Variants in SLC6A14 observed in about 807,000 individuals in gnomAD.
The protein encoded by SLC6A14 is sodium- and chloride-dependent neutral and basic amino acid transporter B(0+).
Under a neutral mutation model 51.4 loss-of-function variants are expected in SLC6A14, and 21 were observed. The ratio of observed to expected loss-of-function variants is 0.41; its 90% CI spans 0.29 to 0.59. SLC6A14 has a LOEUF of 0.59. Ranked by LOEUF, SLC6A14 falls within the 20% of genes least tolerant of loss-of-function variation. The pLI, the probability that SLC6A14 is intolerant of heterozygous loss-of-function variation, is 0.31. For missense variants in SLC6A14, 371 were observed against 472.8 expected (o/e 0.78, Z 2.00); for synonymous variants, 177 against 160.7 (o/e 1.10, Z -0.77).
chrX:116,454,861 A>C (rs1556694650), intron 10 of SLC6A14, 116 bp from the exon 11 acceptor site: 23 of 525,961 alleles, frequency 4.4e-5, no homozygotes. Context: ...GCATTTTAGC[A>C]GAAGGGAAAC....
chrX:116,446,075 C>T (rs4824323), intron 6 of SLC6A14, among the ~76,000 whole-genome samples: 6,308 of 84,963 alleles, frequency 0.074, 576 homozygotes, highest in Non-Finnish European at 0.12. Flanking sequence ...CTTGTTTAAA[C>T]CATTTCCTTG....
intron 7 of SLC6A14, among the ~76,000 whole-genome samples, chrX:116,448,331 T>C (rs1331952167): frequency 2.0e-4 from 23 of 112,242 alleles, no homozygotes; most frequent in African/African-American, 7.1e-4. Flanking sequence ...AATTTTCTTA[T>C]TATAGTCTTG....
chrX:116,443,688 T>A lies in SLC6A14; in HGVS notation c.554T>A (p.Ile185Asn). The change falls in exon 5 of 14, where the codon ATC becomes AAC. Residue 185 changes from isoleucine (I) to asparagine (N), a missense_variant. Transcript: ENST00000598581. ...ACAGTGAATAAAGGAATACAAGAGA[T>A]CATCCAAATGAATAAAAGCTGGGTA... ...VSTVNKGIQE[I>N]IQMNKSWVDI... 1 of 1,198,873 alleles carries A rather than the reference T, an allele frequency of 8.3e-7. No homozygotes were observed. Among genetic ancestry groups the A allele is most frequent in the East Asian group, 3.0e-5 (1 of 33,588 alleles).
rs73638816 is a variant in SLC6A14 at position 116,445,006 on chromosome X, A to G, written c.745A>G (p.Ile249Val). The G allele has an allele frequency of 8.3e-4, 998 of 1,207,196 alleles. 5 individuals are homozygous for G. In the African/African-American group the frequency reaches 0.015, roughly 18 times the overall value. Residue 249 changes from isoleucine to valine, a missense_variant, in exon 6 of 14, where the codon ATA becomes GTA. Around this residue, in one of 2 missense-constraint regions of SLC6A14, gnomAD observed 277 missense variants for 391.8 expected, o/e 0.71. Transcript: ENST00000598581. Reference sequence around the variant, plus strand: ...ACTTTGTCTTCTTCTGGCTTGGCTCATAGTTGGAGCAGCACTATTTAAAGG... The same window carrying G: ...ACTTTGTCTTCTTCTGGCTTGGCTCGTAGTTGGAGCAGCACTATTTAAAGG... ...LALCLLLAWLIVGAALFKGIK... is the reference protein window; with the variant it reads ...LALCLLLAWLVVGAALFKGIK...
chrX:116,445,011 T>A lies in SLC6A14; in HGVS notation c.750T>A (p.Val250=). 1 of 1,208,877 alleles carries A rather than the reference T, an allele frequency of 8.3e-7. No individual in the cohort carries two copies. The highest frequency in any genetic ancestry group is 2.2e-5 in the Admixed American group (1 of 45,606). ...GTCTTCTTCTGGCTTGGCTCATAGT[T>A]GGAGCAGCACTATTTAAAGGAATCA... ...ALCLLLAWLI[V]GAALFKGIKS... is the part of the protein sequence containing the mutation. Residue 250 remains valine, a synonymous_variant, in exon 6 of 14, where the codon GTT becomes GTA. Coordinates refer to ENST00000598581, the MANE Select transcript of SLC6A14 (RefSeq NM_007231.5).
At chrX:116,438,005 T>A (rs782681843) in intron 2 of SLC6A14, 50 bp downstream of exon 2, 2 of 962,253 alleles carry the variant, frequency 2.1e-6, no homozygotes, top group South Asian at 4.3e-5. Context: ...CCTCCAGTTT[T>A]AAGTGTGGTT....
chrX:116,449,985 C>T (rs1403003135), intron 7 of SLC6A14, among the ~76,000 whole-genome samples: 1 of 111,927 alleles, frequency 8.9e-6, no homozygotes, highest in Non-Finnish European at 1.9e-5. Flanking sequence ...TTGATATGCA[C>T]AATATCCATT....
At position 116,457,695 on chromosome X, in the gene SLC6A14, G is replaced by T. The variant is rs1280333619; in HGVS notation, c.1701G>T (p.Trp567Cys). Residue 567 changes from tryptophan to cysteine, a missense_variant, in exon 13 of 14, where the codon TGG becomes TGT. Trp to Cys is a radical substitution (Grantham distance 215). Transcript: ENST00000598581. ...CTGACTGGGGAGTTGCTTTAGGCTG[G>T]TGTATGATTGTTTTCTGCATTATTT... ...PYPDWGVALGWCMIVFCIIWI... is the reference protein window; with the variant it reads ...PYPDWGVALGCCMIVFCIIWI... 1.5e-5 allele frequency: 18 copies of T among 1,198,092 alleles called. No individual in the cohort carries two copies. Among genetic ancestry groups the T allele is most frequent in the Non-Finnish European group, 1.8e-5 (16 of 884,687 alleles).
At chrX:116,454,020 C>A (rs187881468) in intron 9 of SLC6A14, among the ~76,000 whole-genome samples, 1 of 111,224 alleles carries the variant, frequency 9.0e-6, no homozygotes, top group South Asian at 3.7e-4. Context: ...ATTTAAAAGT[C>A]CTACTAGAAT....
At chrX:116,453,585 T>C (rs1927866113) in intron 9 of SLC6A14, among the ~76,000 whole-genome samples, 1 of 111,575 alleles carries the variant, frequency 9.0e-6, no homozygotes, top group South Asian at 3.7e-4. Flanking sequence ...TTTGCATTGA[T>C]TATGAATCCC....
intron 3 of SLC6A14, 129 bp from the exon 4 acceptor site, chrX:116,442,558 C>A (rs1417977841): frequency 1.4e-5 from 7 of 510,778 alleles, no homozygotes; most frequent in African/African-American, 2.5e-5. Context: ...AGCCACCGCA[C>A]CCTGCCTGAA....
At chrX:116,449,024 T>G (rs1164893258) in intron 7 of SLC6A14, among the ~76,000 whole-genome samples, 3 of 111,332 alleles carry the variant, frequency 2.7e-5, no homozygotes, top group African/African-American at 9.8e-5. Flanking sequence ...ATCAGGTGTC[T>G]TTCCTTTCCT....
At chrX:116,455,540 A>C in intron 12 of SLC6A14, 74 bp downstream of exon 12, 1 of 686,482 alleles carries the variant, frequency 1.5e-6, no homozygotes, top group South Asian at 2.9e-5. Context: ...ATTCACATTG[A>C]AGACAAAAGG....
At chrX:116,450,221 C>A (rs1476687447) in intron 7 of SLC6A14, among the ~76,000 whole-genome samples, 4 of 111,088 alleles carry the variant, frequency 3.6e-5, no homozygotes, top group Non-Finnish European at 7.5e-5. Flanking sequence ...AATTAACCTA[C>A]AAATTTTGGA....
chrX:116,459,852 A>T lies in SLC6A14; in HGVS notation c.*897A>T, dbSNP rs182369415. The T allele has an allele frequency of 1.5e-4, 17 of 112,116 alleles. No homozygotes were observed. Among genetic ancestry groups the T allele is most frequent in the African/African-American group, 4.9e-4 (15 of 30,809 alleles). 9.2% of individuals were successfully genotyped at this position (112,116 alleles called of 1,213,427 possible). ...AATTCTAGCATTTTATTACTGTAAT[A>T]CAGGGCTGATAGAGTGATTTTGTCT... is the stretch of plus-strand genomic sequence containing the variant. On this transcript the variant is annotated 3_prime_UTR_variant, in exon 14 of 14. Transcript: ENST00000598581.
chrX:116,456,656 A>T (rs1228714280), intron 12 of SLC6A14, among the ~76,000 whole-genome samples: 1 of 111,195 alleles, frequency 9.0e-6, no homozygotes, highest in Non-Finnish European at 1.9e-5. Flanking sequence ...ATTGGACTCC[A>T]CTATCCCTCA....
chrX:116,457,632 G>A lies in SLC6A14; in HGVS notation c.1638G>A (p.Val546=). ...AGGCAATATTTATCTGGTCATTGGT[G>A]CAATTTCATAGACCTAATTATGGCG... ...LLIAIFIWSL[V]QFHRPNYGAI... is the part of the protein sequence containing the mutation. The change falls in exon 13 of 14, where the codon GTG becomes GTA. Residue 546 remains valine (V), a synonymous_variant. Coordinates refer to ENST00000598581, the MANE Select transcript of SLC6A14 (RefSeq NM_007231.5). 1 of 1,207,759 alleles carries A rather than the reference G, an allele frequency of 8.3e-7. No homozygotes were observed. The highest frequency in any genetic ancestry group is 2.2e-5 in the Admixed American group (1 of 45,792).
rs1927986627 is a variant in SLC6A14 at position 116,458,933 on chromosome X, G to C, written c.1907G>C (p.Ser636Thr). ...KEADHEIPTV[S>T]GSRKPE is the part of the protein sequence containing the mutation. ...GCTGACCATGAAATACCTACTGTTA[G>C]TGGCAGCAGAAAACCGGAATGAGAT... The change falls in exon 14 of 14, where the codon AGT becomes ACT. Residue 636 changes from serine to threonine, a missense_variant. By Grantham distance (58) the Ser-to-Thr change is moderately conservative (BLOSUM62 1). This residue lies in a region of SLC6A14 where 94 missense variants were observed against 81.0 expected (regional missense o/e 1.16). Transcript: ENST00000598581. 1 of 1,199,940 alleles carries C rather than the reference G, an allele frequency of 8.3e-7. No homozygotes were observed. Among genetic ancestry groups the C allele is most frequent in the African/African-American group, 1.7e-5 (1 of 57,173 alleles).
At chrX:116,446,332 T>C (rs1459059338) in intron 6 of SLC6A14, among the ~76,000 whole-genome samples, 1 of 111,905 alleles carries the variant, frequency 8.9e-6, no homozygotes, top group Non-Finnish European at 1.9e-5. Flanking sequence ...TTCCTTTTCT[T>C]TGAAGACTGA....
Sources: gnomAD v4.1 joint callset for allele counts (sites outside exome capture counted in the v4.1 genomes callset) on GRCh38, gnomAD v4.1.1 for gene constraint, gnomAD v4.1.1 regional missense constraint, MANE v1.5 for transcripts, NCBI Gene and HGNC (gene_info 2026-07-23, HGNC 2026-07-21) for gene names.